The following QTGAL variants were observed in gnomAD, a reference collection of about 807,000 sequenced individuals.
The protein encoded by QTGAL is BGnT-like protein 1.
the QTGAL span, chr17:82,965,784 A>G: frequency 6.4e-7 from 1 of 1,563,848 alleles, no homozygotes; most frequent in South Asian, 1.2e-5. Flanking sequence ...AGCGGAAAAG[A>G]ACAGCTTGTC....
chr17:82,978,300 C>G, the QTGAL span, among the ~76,000 whole-genome samples: 1 of 152,106 alleles, frequency 6.6e-6, no homozygotes, highest in Non-Finnish European at 1.5e-5. The surrounding 1 kb of genome is among the most constrained non-coding windows in gnomAD (Gnocchi z 4.8). Flanking sequence ...CTGGCTCCAG[C>G]AAAGCCCCGA....
the QTGAL span, among the ~76,000 whole-genome samples, chr17:82,975,958 G>A: frequency 4.2e-5 from 2 of 48,040 alleles, no homozygotes; most frequent in Non-Finnish European, 3.6e-5. Context: ...ACTATGGAGA[G>A]TCAGGGCCCC....
At chr17:82,962,458 G>C in the QTGAL span, among the ~76,000 whole-genome samples, 1 of 151,484 alleles carries the variant, frequency 6.6e-6, no homozygotes, top group African/African-American at 2.4e-5. Context: ...GGTGATTTAG[G>C]GTGGAGGGTC....
chr17:82,963,666 C>G, the QTGAL span, among the ~76,000 whole-genome samples: 28 of 152,054 alleles, frequency 1.8e-4, no homozygotes, highest in African/African-American at 6.5e-4. Context: ...AAGTGCAAAA[C>G]TGGACCCTAA....
At chr17:83,046,316 T>C in the QTGAL span, among the ~76,000 whole-genome samples, 11 of 151,922 alleles carry the variant, frequency 7.2e-5, no homozygotes, top group Non-Finnish European at 1.6e-4. Flanking sequence ...GTGGTATTTT[T>C]AGTAGAGATG....
chr17:82,981,501 T>C, the QTGAL span: 1 of 152,384 alleles, frequency 6.6e-6, no homozygotes, highest in Admixed American at 6.5e-5. Context: ...AGTTAGACAA[T>C]GTGACCTTCA....
the QTGAL span, among the ~76,000 whole-genome samples, chr17:83,036,832 G>A: frequency 4.6e-5 from 7 of 152,142 alleles, no homozygotes; most frequent in Non-Finnish European, 1.5e-5. Flanking sequence ...ACTGCATGTT[G>A]GGCTAAGAAG....
the QTGAL span, among the ~76,000 whole-genome samples, chr17:83,034,014 C>A: frequency 1.3e-5 from 2 of 152,170 alleles, no homozygotes; most frequent in African/African-American, 4.8e-5. Context: ...AATCTTGGCT[C>A]ACTGCAACCT....
the QTGAL span, among the ~76,000 whole-genome samples, chr17:82,954,756 A>G: frequency 6.6e-6 from 1 of 152,356 alleles, no homozygotes; most frequent in East Asian, 1.9e-4. Context: ...AGTAACCAAA[A>G]CAGCATGGTA....
chr17:83,045,520 G>A, the QTGAL span, among the ~76,000 whole-genome samples: 22,061 of 152,184 alleles, frequency 0.14, 1,734 homozygotes, highest in South Asian at 0.23. Context: ...TGATTTAGCC[G>A]TGGCTTCTTA....
At chr17:82,950,145 T>A in the QTGAL span, among the ~76,000 whole-genome samples, 1 of 152,192 alleles carries the variant, frequency 6.6e-6, no homozygotes, top group Non-Finnish European at 1.5e-5. Context: ...CACTGCCAGC[T>A]GCCCCTGGAA....
the QTGAL span, chr17:83,005,318 AG>A: frequency 1.0e-6 from 1 of 961,848 alleles, no homozygotes; most frequent in East Asian, 2.5e-5. This position sits in a 1 kb window ranked among gnomAD's most constrained non-coding sequence, Gnocchi z 5.6. Flanking sequence ...ATGTCCAGAC[AG>A]GAAACTGAAA....
the QTGAL span, among the ~76,000 whole-genome samples, chr17:82,977,927 G>A: frequency 1.3e-5 from 2 of 152,058 alleles, no homozygotes; most frequent in African/African-American, 4.8e-5. Flanking sequence ...GCTCCATCCC[G>A]ACCGATGTGC....
chr17:83,038,285 C>T, the QTGAL span, among the ~76,000 whole-genome samples: 1 of 152,154 alleles, frequency 6.6e-6, no homozygotes, highest in Non-Finnish European at 1.5e-5. Flanking sequence ...GGTCTCCTTA[C>T]CCACACTTCA....
the QTGAL span, among the ~76,000 whole-genome samples, chr17:83,020,009 T>C: frequency 2.6e-5 from 4 of 152,252 alleles, no homozygotes; most frequent in South Asian, 2.1e-4. Context: ...GCTGGGATTA[T>C]AGGTGTGAGC....
the QTGAL span, among the ~76,000 whole-genome samples, chr17:82,994,907 T>C: frequency 6.6e-6 from 1 of 152,210 alleles, no homozygotes; most frequent in Non-Finnish European, 1.5e-5. Context: ...ATTAATGTGA[T>C]ACATCATGTC....
the QTGAL span, among the ~76,000 whole-genome samples, chr17:82,974,916 CCA>C: frequency 6.5e-3 from 968 of 149,824 alleles, 355 homozygotes; most frequent in Middle Eastern, 0.014. Context: ...TTATGGGGAA[CCA>C]GGGCCCCAGG....
the QTGAL span, chr17:82,957,375 G>C: frequency 6.2e-7 from 1 of 1,613,230 alleles, no homozygotes; most frequent in African/African-American, 1.3e-5. Flanking sequence ...CTGGCTGCCG[G>C]CAGTCAAGCT....
chr17:82,978,005 G>A, the QTGAL span, among the ~76,000 whole-genome samples: 1 of 152,184 alleles, frequency 6.6e-6, no homozygotes, highest in Non-Finnish European at 1.5e-5. The surrounding 1 kb of genome is among the most constrained non-coding windows in gnomAD (Gnocchi z 4.8). Context: ...ACAGGTGGTG[G>A]CAGTGGGTGG....
Sources: allele counts gnomAD v4.1 joint callset (sites outside exome capture counted in the v4.1 genomes callset), GRCh38; gene constraint gnomAD v4.1.1; non-coding constraint Gnocchi (gnomAD v3.1); transcripts MANE v1.5; gene names NCBI Gene and HGNC (gene_info 2026-07-23, HGNC 2026-07-21).